The following COMMD7 variants were observed in gnomAD, a reference collection of about 807,000 sequenced individuals.
The protein encoded by COMMD7 is COMM domain containing 7, also known as COMM domain-containing protein 7.
A neutral mutation model predicts 34.8 loss-of-function variants in COMMD7; 28 were observed. The ratio of observed to expected loss-of-function variants is 0.80; its 90% CI spans 0.60 to 1.10. The LOEUF is 1.10. Ranked by LOEUF, COMMD7 falls within the 50% of genes least tolerant of loss-of-function variation. COMMD7 has a pLI of 0.00. For missense variants in COMMD7, 211 were observed against 241.6 expected, an observed-to-expected ratio of 0.87 and a Z score of 0.84; for synonymous variants, 80 against 86.4, an observed-to-expected ratio of 0.93 and a Z score of 0.41.
chr20:32,715,066 G>C (rs1273181457), intron 3 of COMMD7, among the ~76,000 whole-genome samples: 1 of 150,996 alleles, frequency 6.6e-6, no homozygotes, highest in Non-Finnish European at 1.5e-5. Flanking sequence ...AATAAAAATA[G>C]GTGACCAAGC....
chr20:32,730,871 G>A (rs1985797172), intron 1 of COMMD7, among the ~76,000 whole-genome samples: 1 of 151,966 alleles, frequency 6.6e-6, no homozygotes, highest in Non-Finnish European at 1.5e-5. Context: ...CCTTCTAGAA[G>A]CAATATATAA....
At chr20:32,708,560 C>T (rs1984234215) in intron 3 of COMMD7, among the ~76,000 whole-genome samples, 1 of 152,184 alleles carries the variant, frequency 6.6e-6, no homozygotes, top group Non-Finnish European at 1.5e-5. Flanking sequence ...ATCCAAATAA[C>T]TCCTAACTAC....
intron 3 of COMMD7, among the ~76,000 whole-genome samples, chr20:32,713,075 T>C (rs2145726239): frequency 6.9e-6 from 1 of 144,862 alleles, no homozygotes; most frequent in African/African-American, 2.6e-5. Flanking sequence ...TGAGACAGAG[T>C]TTCACTTTTG....
chr20:32,713,890 TGGATCTCAAGGTCA>T (rs1243813588), intron 3 of COMMD7, among the ~76,000 whole-genome samples: 2 of 151,756 alleles, frequency 1.3e-5, no homozygotes, highest in African/African-American at 4.8e-5. Context: ...CCGAGGCAGG[TGGATCTCAAGGTCA>T]GGAGTTCAAG....
intron 3 of COMMD7, among the ~76,000 whole-genome samples, chr20:32,713,327 G>T (rs1984584222): frequency 6.6e-6 from 1 of 152,246 alleles, no homozygotes. Context: ...TGGGACTACA[G>T]GCGTGCGCCA....
At position 32,727,921 on chromosome 20, in the gene COMMD7, G is replaced by C. The variant is rs376952466; in HGVS notation, c.213C>G (p.Ile71Met). ...TTGGAACCAGAAGGAGGCTTTTCAC[G>C]ATGCTTCTGAGGGAGCCAAGACTGA... ...NQISLGSLRS[I>M]VKSLLLVPNG... The change falls in exon 3 of 9, where the codon ATC (isoleucine) becomes ATG (methionine). Residue 71 changes from isoleucine to methionine, a missense_variant. Ile to Met is a conservative substitution (Grantham distance 10). Coordinates refer to ENST00000278980, the MANE Select transcript of COMMD7 (RefSeq NM_053041.3). 7.4e-6 allele frequency: 12 copies of C among 1,614,024 alleles called. No individual in the cohort carries two copies. Among genetic ancestry groups the C allele is most frequent in the Non-Finnish European group, 1.0e-5 (12 of 1,179,936 alleles).
Position 32,706,639 on chromosome 20 carries a change from A to C in COMMD7, c.299-19T>G. The C allele has an allele frequency of 2.5e-6, 4 of 1,611,870 alleles. No homozygotes were observed. The highest frequency in any genetic ancestry group is 1.7e-5 in the Admixed American group (1 of 59,988). On this transcript the variant is annotated intron_variant, in intron 4 of 8. Transcript: ENST00000278980. ...CTAAGACCTATAAGAGAACAGAAGG[A>C]GATATTAACATAATAAAAAGCCTCA...
At chr20:32,710,142 G>A (rs551912201) in intron 3 of COMMD7, among the ~76,000 whole-genome samples, 1 of 151,994 alleles carries the variant, frequency 6.6e-6, no homozygotes, top group South Asian at 2.1e-4. Context: ...TCAAAATGCT[G>A]GGATTACAGG....
At chr20:32,731,689 C>T (rs1358490428) in intron 1 of COMMD7, among the ~76,000 whole-genome samples, 1 of 152,190 alleles carries the variant, frequency 6.6e-6, no homozygotes, top group Non-Finnish European at 1.5e-5. Context: ...CCTTATATGG[C>T]ATTGCAGCTT....
intron 1 of COMMD7, among the ~76,000 whole-genome samples, chr20:32,733,864 G>C (rs150632337): frequency 1.4e-5 from 2 of 142,492 alleles, no homozygotes; most frequent in Admixed American, 1.4e-4. Context: ...CAGCCTGGGC[G>C]GAGTGGAACT....
chr20:32,709,744 G>A (rs552975053), intron 3 of COMMD7, among the ~76,000 whole-genome samples: 12 of 152,232 alleles, frequency 7.9e-5, no homozygotes, highest in African/African-American at 2.9e-4. Context: ...TTTAGAATAT[G>A]CCAGACAGCT....
intron 1 of COMMD7, 82 bp from the exon 2 acceptor site, chr20:32,728,224 TGA>T (rs1985632198): frequency 7.6e-7 from 1 of 1,322,100 alleles, no homozygotes; most frequent in South Asian, 1.2e-5. Context: ...TGCATAGCCT[TGA>T]GAGGGAAGAA....
intron 3 of COMMD7, among the ~76,000 whole-genome samples, chr20:32,722,253 A>G (rs959331438): frequency 6.7e-6 from 1 of 148,994 alleles, no homozygotes. Flanking sequence ...CTCGAAAAAA[A>G]AAAAAAAAAA....
chr20:32,738,443 C>T (rs994231128), intron 1 of COMMD7, among the ~76,000 whole-genome samples: 1 of 152,034 alleles, frequency 6.6e-6, no homozygotes, highest in Non-Finnish European at 1.5e-5. Context: ...AAACATGAGC[C>T]GGGCATGGTG....
At chr20:32,707,388 C>T (rs1385840105) in intron 3 of COMMD7, among the ~76,000 whole-genome samples, 3 of 150,700 alleles carry the variant, frequency 2.0e-5, no homozygotes, top group East Asian at 2.0e-4. Context: ...GGCGTGATCT[C>T]GGCTCACTGC....
chr20:32,705,284 G>A (rs369086161), intron 5 of COMMD7, among the ~76,000 whole-genome samples: 11 of 149,626 alleles, frequency 7.4e-5, no homozygotes, highest in African/African-American at 2.8e-4. Context: ...TCTGAGAGCA[G>A]TGAATTGGAG....
chr20:32,706,722 C>T lies in COMMD7; in HGVS notation c.280G>A (p.Ala94Thr). The T allele has an allele frequency of 6.2e-7, 1 of 1,613,916 alleles. No homozygotes were observed. Among genetic ancestry groups the T allele is most frequent in the Non-Finnish European group, 8.5e-7 (1 of 1,180,006 alleles). Reference protein sequence around the residue: ...KKSLTAKQVQADFITLGLSEE... With the variant: ...KKSLTAKQVQTDFITLGLSEE... Reference sequence around the variant, plus strand: ...GACCTACCCAGAGTTATGAAATCCGCCTGGACCTGCTTGGCTGTGAGACTC... The same window carrying T: ...GACCTACCCAGAGTTATGAAATCCGTCTGGACCTGCTTGGCTGTGAGACTC... Residue 94 changes from alanine (A) to threonine (T), a missense_variant, in exon 4 of 9, where the codon GCG (alanine) becomes ACG (threonine). Coordinates refer to ENST00000278980, the MANE Select transcript of COMMD7 (RefSeq NM_053041.3).
At chr20:32,728,493 AGAAAATTAAAAG>A (rs1158548849) in intron 1 of COMMD7, among the ~76,000 whole-genome samples, 8 of 152,016 alleles carry the variant, frequency 5.3e-5, no homozygotes, top group African/African-American at 1.9e-4. Flanking sequence ...GGAAATCATC[AGAAAATTAAAAG>A]CGGTTACCAC....
intron 1 of COMMD7, among the ~76,000 whole-genome samples, chr20:32,736,285 G>C (rs1986126209): frequency 6.6e-6 from 1 of 152,172 alleles, no homozygotes; most frequent in African/African-American, 2.4e-5. Context: ...TGGGTACTTG[G>C]AGAAGTCTGA....
Sources: allele counts gnomAD v4.1 joint callset (sites outside exome capture counted in the v4.1 genomes callset), GRCh38; gene constraint gnomAD v4.1.1; transcripts MANE v1.5; gene names NCBI Gene and HGNC (gene_info 2026-07-23, HGNC 2026-07-21).